Variants in SLC4A1AP observed in about 807,000 individuals in gnomAD.
SLC4A1AP encodes solute carrier family 4 member 1 adaptor protein, also known as kanadaptin.
SLC4A1AP carries 64 observed loss-of-function variants against 89.7 expected under a neutral mutation model. The ratio of observed to expected loss-of-function variants is 0.71; its 90% CI spans 0.58 to 0.88. The LOEUF (loss-of-function observed/expected upper bound fraction) is 0.88, where lower values mean the gene tolerates loss of function less well. Among genes scored for constraint, SLC4A1AP ranks in the 40% least tolerant of loss-of-function variants. The pLI, the probability that SLC4A1AP is intolerant of heterozygous loss-of-function variation, is 0.00. For missense variants in SLC4A1AP, 931 were observed against 965.0 expected (o/e 0.96, Z 0.47); for synonymous variants, 366 against 353.3 (o/e 1.04, Z -0.40).
At chr2:27,688,138 G>A in intron 11 of SLC4A1AP, 118 bp downstream of exon 11, 1 of 723,982 alleles carries the variant, frequency 1.4e-6, no homozygotes, top group Non-Finnish European at 2.3e-6. Flanking sequence ...TAGTTATGTT[G>A]CCACTAGGCC....
chr2:27,685,621 G>A (rs911183630), intron 10 of SLC4A1AP, among the ~76,000 whole-genome samples: 1 of 152,164 alleles, frequency 6.6e-6, no homozygotes, highest in Non-Finnish European at 1.5e-5. Flanking sequence ...GCCTGATCAG[G>A]TGGTCTCCGG....
At chr2:27,667,870 T>C (rs950013741) in intron 3 of SLC4A1AP, among the ~76,000 whole-genome samples, 2 of 151,254 alleles carry the variant, frequency 1.3e-5, no homozygotes, top group Non-Finnish European at 2.9e-5. Context: ...GTATATATTT[T>C]ATATGTATAT....
chr2:27,665,494 T>C (rs1675301965), intron 2 of SLC4A1AP, among the ~76,000 whole-genome samples, 199 bp downstream of exon 2: 2 of 152,222 alleles, frequency 1.3e-5, no homozygotes, highest in Non-Finnish European at 2.9e-5. Flanking sequence ...ATAGGCACTT[T>C]GGATTTTTTA....
At position 27,673,978 on chromosome 2, in the gene SLC4A1AP, G is replaced by A. The variant is rs560312579; in HGVS notation, c.1346-1554G>A. On this transcript the variant is annotated intron_variant, in intron 5 of 13. Transcript: ENST00000613058. ...ACCAAAGTAGACTCAGCATCACCAG[G>A]ACATATACAAGTTGTGTGTGTGTGT... Among the ~76,000 whole-genome samples, 3 of 149,570 alleles carry A rather than the reference G, an allele frequency of 2.0e-5. No individual in the cohort carries two copies. In the South Asian group the frequency reaches 6.4e-4, roughly 32 times the overall value.
exon 8 of SLC4A1AP, chr2:27,677,803 A>G (rs772316244): frequency 1.9e-6 from 3 of 1,613,852 alleles, no homozygotes; most frequent in Non-Finnish European, 2.5e-6. Context: ...ATCAGGCAGT[A>G]CATTAGATGG....
At position 27,675,794 on chromosome 2, in the gene SLC4A1AP, G is replaced by A. The variant is rs150338876; in HGVS notation, c.1506+102G>A. 84 of 776,098 alleles carry A rather than the reference G, an allele frequency of 1.1e-4. No homozygotes were observed. The East Asian group carries it at 2.8e-3, about 26-fold the overall frequency. The allele number at this position is 776,098 out of a possible 1,614,324, so 48.1% of individuals were successfully genotyped here. On this transcript the variant is annotated intron_variant, in intron 6 of 13. Coordinates refer to ENST00000613058, the Ensembl canonical transcript of SLC4A1AP. ...TTTTATGATAATTTTTAAAGTAGTA[G>A]CATTGAAATCTGATACTGAAGTATA... is the stretch of plus-strand genomic sequence containing the variant.
chr2:27,664,925 C>T (rs982404067), intron 1 of SLC4A1AP, among the ~76,000 whole-genome samples, 175 bp from the exon 2 acceptor site: 5 of 151,008 alleles, frequency 3.3e-5, no homozygotes, highest in African/African-American at 1.2e-4. Flanking sequence ...AAAAAATTAG[C>T]CAGGCATCAT....
rs746769687 is a variant in SLC4A1AP at position 27,685,026 on chromosome 2, T to C, written c.1876-11T>C. The C allele has an allele frequency of 1.9e-6, 3 of 1,576,202 alleles. No homozygotes were observed. Among genetic ancestry groups the C allele is most frequent in the East Asian group, 4.5e-5 (2 of 44,582 alleles). On this transcript the variant is annotated splice_polypyrimidine_tract_variant and intron_variant, in intron 9 of 13. Coordinates refer to ENST00000613058, the Ensembl canonical transcript of SLC4A1AP. ...TAGAACTACTTGTTCATGGTTTTGT[T>C]TCCCTCTTAGAAGTTACCCCCCAAG...
At chr2:27,677,406 T>C in intron 7 of SLC4A1AP, 42 bp downstream of exon 7, 1 of 1,350,704 alleles carries the variant, frequency 7.4e-7, no homozygotes, top group South Asian at 1.2e-5. Flanking sequence ...CCACATATAG[T>C]GCTCTATGCT....
At chr2:27,679,601 C>CA (rs1234761818) in intron 8 of SLC4A1AP, among the ~76,000 whole-genome samples, 1 of 151,036 alleles carries the variant, frequency 6.6e-6, no homozygotes, top group Non-Finnish European at 1.5e-5. Context: ...GACTCCATCT[C>CA]AAAAAAATAA....
chr2:27,680,332 C>T (rs1437128745), intron 8 of SLC4A1AP, among the ~76,000 whole-genome samples: 1 of 152,112 alleles, frequency 6.6e-6, no homozygotes, highest in Non-Finnish European at 1.5e-5. Context: ...ACTTTCTATT[C>T]TATTCAGATA....
intron 8 of SLC4A1AP, 89 bp from the exon 9 acceptor site, chr2:27,682,159 C>A: frequency 1.3e-6 from 1 of 771,012 alleles, no homozygotes; most frequent in Non-Finnish European, 2.1e-6. Flanking sequence ...TTTATTTTGC[C>A]AGAGGTTTCT....
intron 5 of SLC4A1AP, among the ~76,000 whole-genome samples, chr2:27,671,531 C>G (rs992178778): frequency 6.6e-6 from 1 of 152,132 alleles, no homozygotes; most frequent in Non-Finnish European, 1.5e-5. Context: ...TTTGGAGACA[C>G]TTTTTCTGAA....
At chr2:27,690,567 G>T (rs940376271) in intron 12 of SLC4A1AP, among the ~76,000 whole-genome samples, 4 of 152,058 alleles carry the variant, frequency 2.6e-5, no homozygotes, top group Non-Finnish European at 5.9e-5. Context: ...CTCACTGCAA[G>T]CTTCAATCTC....
chr2:27,670,778 G>T (rs908466315), intron 5 of SLC4A1AP, among the ~76,000 whole-genome samples: 6 of 151,666 alleles, frequency 4.0e-5, no homozygotes, highest in African/African-American at 1.5e-4. Context: ...GGAGAATGGC[G>T]TGAACCCAGG....
intron 8 of SLC4A1AP, among the ~76,000 whole-genome samples, chr2:27,681,039 A>G (rs1033551222): frequency 2.6e-5 from 4 of 152,014 alleles, no homozygotes; most frequent in African/African-American, 7.2e-5. Context: ...CCTGCAAGCA[A>G]TCTTGATTGT....
chr2:27,676,642 T>C (rs1264951655), intron 6 of SLC4A1AP, among the ~76,000 whole-genome samples: 2 of 150,298 alleles, frequency 1.3e-5, no homozygotes, highest in African/African-American at 4.9e-5. Flanking sequence ...ACCAATGTGG[T>C]GAAACCCCAC....
At chr2:27,672,681 A>G (rs1017824729) in intron 5 of SLC4A1AP, among the ~76,000 whole-genome samples, 6 of 152,080 alleles carry the variant, frequency 3.9e-5, no homozygotes, top group African/African-American at 1.4e-4. Flanking sequence ...GGTGATTGAC[A>G]GTTTGGAATA....
intron 8 of SLC4A1AP, among the ~76,000 whole-genome samples, chr2:27,681,693 G>C (rs1675622593): frequency 6.6e-6 from 1 of 152,018 alleles, no homozygotes; most frequent in Admixed American, 6.6e-5. Flanking sequence ...GTCCTAATGG[G>C]CTTAGCTTTT....
Sources: gnomAD v4.1 joint callset for allele counts (sites outside exome capture counted in the v4.1 genomes callset) on GRCh38, gnomAD v4.1.1 for gene constraint, MANE v1.5 for transcripts, NCBI Gene and HGNC (gene_info 2026-07-23, HGNC 2026-07-21) for gene names.